Variants in ZBTB8A observed in about 807,000 individuals in gnomAD.
The protein encoded by ZBTB8A is zinc finger and BTB domain containing 8A, also known as zinc finger and BTB domain-containing protein 8A.
ZBTB8A carries 19 observed loss-of-function variants against 37.8 expected under a neutral mutation model. The observed-to-expected ratio is 0.50, with a 90% confidence interval of 0.35 to 0.74. ZBTB8A has a LOEUF of 0.74. Among genes scored for constraint, ZBTB8A ranks in the 30% least tolerant of loss-of-function variants. The probability of loss-of-function intolerance (pLI) is 0.01; values close to 1 mark genes in which losing one functional copy is unlikely to be tolerated. For synonymous variants in ZBTB8A, 181 were observed against 185.2 expected (o/e 0.98, Z 0.19); for missense variants, 394 against 537.8 (o/e 0.73, Z 2.65).
In ZBTB8A at chr1:32,601,537, G is replaced by A. The variant is rs1415325283; in HGVS notation, c.*1118G>A. 1 of 398,046 alleles carries A rather than the reference G, an allele frequency of 2.5e-6. No individual in the cohort carries two copies. The highest frequency in any genetic ancestry group is 4.4e-6 in the Non-Finnish European group (1 of 225,832). 24.7% of individuals were successfully genotyped at this position (398,046 alleles called of 1,614,324 possible). A position where few individuals can be genotyped will look rare whatever the true frequency, so the allele number is the denominator to read the frequency against. ...TATGTGAGTGATTTCTAACGTTTATGTAGTGCTATATTATTTATAAAGTAC... is the reference window on the plus strand; with the variant it reads ...TATGTGAGTGATTTCTAACGTTTATATAGTGCTATATTATTTATAAAGTAC... On this transcript the variant is annotated 3_prime_UTR_variant, in exon 5 of 5. Transcript: ENST00000373510.
intron 2 of ZBTB8A, among the ~76,000 whole-genome samples, chr1:32,570,477 A>G (rs1283799478): frequency 1.3e-5 from 2 of 152,350 alleles, no homozygotes; most frequent in Middle Eastern, 6.8e-3. Context: ...TGTTGGGATT[A>G]CATTAATCCT....
At chr1:32,555,990 C>T (rs1644198733) in intron 2 of ZBTB8A, among the ~76,000 whole-genome samples, 1 of 151,920 alleles carries the variant, frequency 6.6e-6, no homozygotes, top group Non-Finnish European at 1.5e-5. Context: ...CTCACTGCAG[C>T]CTCAACCTCC....
intron 2 of ZBTB8A, among the ~76,000 whole-genome samples, chr1:32,561,406 C>G (rs1169641646): frequency 6.6e-6 from 1 of 152,128 alleles, no homozygotes; most frequent in Non-Finnish European, 1.5e-5. Context: ...CAGCGCCATG[C>G]TGCCTCTGAA....
At position 32,593,154 on chromosome 1, in the gene ZBTB8A, A is replaced by G; in HGVS notation, c.223A>G (p.Thr75Ala). The G allele has an allele frequency of 1.2e-6, 2 of 1,614,184 alleles. No homozygotes were observed. The highest frequency in any genetic ancestry group is 1.7e-6 in the Non-Finnish European group (2 of 1,180,042). ...TACATTTCAGGCTTTCTCCCCTGAC[A>G]CTTTTACAGTTATCTTGGACTTCGT... ...TATFQAFSPDTFTVILDFVYS... is the reference protein window; with the variant it reads ...TATFQAFSPDAFTVILDFVYS... Residue 75 changes from threonine (T) to alanine (A), a missense_variant, in exon 3 of 5, where the codon ACT becomes GCT. Physicochemically the swap from Thr to Ala is moderately conservative, Grantham distance 58 (BLOSUM62 0). This residue lies in a region of ZBTB8A where 96 missense variants were observed against 165.6 expected (regional missense o/e 0.58). Transcript: ENST00000373510.
At chr1:32,543,778 G>A (rs1644078465) in intron 1 of ZBTB8A, among the ~76,000 whole-genome samples, 1 of 152,056 alleles carries the variant, frequency 6.6e-6, no homozygotes, top group East Asian at 1.9e-4. Context: ...CTGGGTTCAC[G>A]CCATTCTCCT....
At position 32,591,946 on chromosome 1, in the gene ZBTB8A, C is replaced by T. The variant is rs1440016940; in HGVS notation, c.-1-985C>T. ...GCAACCTCTACCTCCCAGGATCAAGCGATTCTCCTGCCTCAGCTCCCGAGC... is the reference window on the plus strand; with the variant it reads ...GCAACCTCTACCTCCCAGGATCAAGTGATTCTCCTGCCTCAGCTCCCGAGC... On this transcript the variant is annotated intron_variant, in intron 2 of 4. Coordinates refer to ENST00000373510, the MANE Select transcript of ZBTB8A (RefSeq NM_001040441.3). 5.9e-5 allele frequency among the ~76,000 whole-genome samples: 9 copies of T among 152,056 alleles called. 1 individual carries two copies. The South Asian group carries it at 6.2e-4, about 11-fold the overall frequency.
At chr1:32,574,488 T>C (rs1484511467) in intron 2 of ZBTB8A, among the ~76,000 whole-genome samples, 2 of 152,164 alleles carry the variant, frequency 1.3e-5, no homozygotes, top group African/African-American at 4.8e-5. Context: ...TCCTAGTTAC[T>C]TGGGAAGATG....
At position 32,600,713 on chromosome 1, in the gene ZBTB8A, TC is replaced by T. The variant is rs1158356272; in HGVS notation, c.*295del. The T allele has an allele frequency of 1.3e-5, 3 of 238,154 alleles. No homozygotes were observed. The highest frequency in any genetic ancestry group is 6.8e-5 in the African/African-American group (3 of 44,258). The allele number at this position is 238,154 out of a possible 1,614,324, so 14.8% of individuals were successfully genotyped here. A position where few individuals can be genotyped will look rare whatever the true frequency, so the allele number is the denominator to read the frequency against. On this transcript the variant is annotated 3_prime_UTR_variant, in exon 5 of 5. Coordinates refer to ENST00000373510, the MANE Select transcript of ZBTB8A (RefSeq NM_001040441.3). ...TTACTTTATTCCAGAGATACCTTTTTCTTTTAATATTGGAGGATCTACTTAG... is the reference window on the plus strand; with the variant it reads ...TTACTTTATTCCAGAGATACCTTTTTTTTTAATATTGGAGGATCTACTTAG...
chr1:32,599,371 G>T (rs1363469352), intron 4 of ZBTB8A, among the ~76,000 whole-genome samples: 2 of 151,974 alleles, frequency 1.3e-5, no homozygotes, highest in African/African-American at 4.8e-5. Context: ...GCTGCAGTGA[G>T]CCATGGTCAC....
intron 2 of ZBTB8A, among the ~76,000 whole-genome samples, chr1:32,557,987 G>T (rs1644215748): frequency 6.6e-6 from 1 of 152,108 alleles, no homozygotes; most frequent in Non-Finnish European, 1.5e-5. Context: ...ACAAATATCT[G>T]TCCCTTTGAT....
chr1:32,581,234 T>A lies in ZBTB8A; in HGVS notation c.-1-11697T>A, dbSNP rs865782445. On this transcript the variant is annotated intron_variant, in intron 2 of 4. Coordinates refer to ENST00000373510, the MANE Select transcript of ZBTB8A (RefSeq NM_001040441.3). ...ATTATATATAATATAATATAATATA[T>A]TATATAATTGTAATATATAGATATA... 7.2e-4 allele frequency among the ~76,000 whole-genome samples: 55 copies of A among 76,466 alleles called. No homozygotes were observed. The East Asian group carries it at 8.4e-3, about 12-fold the overall frequency. The allele number at this position is 76,466 out of a possible 152,430, so 50.2% of individuals were successfully genotyped here. A position where few individuals can be genotyped will look rare whatever the true frequency, so the allele number is the denominator to read the frequency against.
At chr1:32,566,410 A>C (rs889913766) in intron 2 of ZBTB8A, among the ~76,000 whole-genome samples, 2 of 152,008 alleles carry the variant, frequency 1.3e-5, no homozygotes, top group East Asian at 3.9e-4. Context: ...CTCTAGTCCC[A>C]GTTACTCAGG....
At chr1:32,545,075 C>G (rs529686668) in intron 1 of ZBTB8A, among the ~76,000 whole-genome samples, 27 of 152,140 alleles carry the variant, frequency 1.8e-4, no homozygotes, top group Non-Finnish European at 3.2e-4. Flanking sequence ...GAGGAACTCC[C>G]AGACTGTTTT....
intron 2 of ZBTB8A, among the ~76,000 whole-genome samples, chr1:32,575,418 G>A (rs1039863890): frequency 6.7e-6 from 1 of 150,102 alleles, no homozygotes; most frequent in African/African-American, 2.4e-5. Flanking sequence ...GTAGAGATGG[G>A]GTTTCACCAT....
At chr1:32,573,296 G>A (rs1325906917) in intron 2 of ZBTB8A, among the ~76,000 whole-genome samples, 2 of 148,860 alleles carry the variant, frequency 1.3e-5, no homozygotes, top group African/African-American at 2.5e-5. Context: ...GGCTGGTCTC[G>A]AACTCCTGAC....
intron 1 of ZBTB8A, among the ~76,000 whole-genome samples, chr1:32,552,129 C>T (rs1644161483): frequency 1.3e-5 from 2 of 152,008 alleles, no homozygotes; most frequent in African/African-American, 4.8e-5. Flanking sequence ...TTTTGGAGGC[C>T]GAAGTGGGGG....
At chr1:32,548,137 TAAAAAAAAA>T (rs770998213) in intron 1 of ZBTB8A, among the ~76,000 whole-genome samples, 8 of 65,760 alleles carry the variant, frequency 1.2e-4, no homozygotes, top group African/African-American at 4.1e-4. Context: ...CGTCTCAAAT[TAAAAAAAAA>T]AAAAAAAAAA....
intron 4 of ZBTB8A, 128 bp downstream of exon 4, chr1:32,595,351 T>A: frequency 1.1e-6 from 1 of 892,512 alleles, no homozygotes; most frequent in Non-Finnish European, 1.7e-6. Flanking sequence ...CGCTGCAACC[T>A]CTGCCTCCCG....
chr1:32,561,527 C>T (rs140182372), intron 2 of ZBTB8A, among the ~76,000 whole-genome samples: 15 of 152,124 alleles, frequency 9.9e-5, no homozygotes, highest in African/African-American at 3.6e-4. Flanking sequence ...CTTCTGTCTT[C>T]ACGTGGTGCT....
Sources: allele counts gnomAD v4.1 joint callset (sites outside exome capture counted in the v4.1 genomes callset), GRCh38; gene constraint gnomAD v4.1.1; regional missense constraint gnomAD v4.1.1; transcripts MANE v1.5; gene names NCBI Gene and HGNC (gene_info 2026-07-23, HGNC 2026-07-21).